The following FGB variants were observed in gnomAD, a reference collection of about 807,000 sequenced individuals.
FGB encodes fibrinogen beta chain, also known as beta-fibrinogen.
A neutral mutation model predicts 57.9 loss-of-function variants in FGB; 25 were observed. The observed-to-expected ratio is 0.43, with a 90% CI of 0.31 to 0.60. The LOEUF is 0.60. Ranked by LOEUF, FGB falls within the 20% of genes least tolerant of loss-of-function variation. The pLI is 0.08. For missense variants in FGB, 536 were observed against 598.4 expected (o/e 0.90, Z 1.09); for synonymous variants, 203 against 199.2 (o/e 1.02, Z -0.16).
chr4:154,565,933 C>T lies in FGB; in HGVS notation c.240C>T (p.Ala80=). The change falls in exon 2 of 8, where the codon GCC becomes GCT. Residue 80 remains alanine, a synonymous_variant. Transcript: ENST00000302068. ...GYRARPAKAA[A]TQKKVERKAP... is the part of the protein sequence containing the mutation. Reference sequence around the variant, plus strand: ...GGGCTCGTCCAGCCAAAGCAGCTGCCACTCAAAAGAAAGTAGAAAGAAAAG... The same window carrying T: ...GGGCTCGTCCAGCCAAAGCAGCTGCTACTCAAAAGAAAGTAGAAAGAAAAG... 1 of 1,614,126 alleles carries T rather than the reference C, an allele frequency of 6.2e-7. No individual in the cohort carries two copies. Among genetic ancestry groups the T allele is most frequent in the Non-Finnish European group, 8.5e-7 (1 of 1,180,024 alleles).
rs898590076 is a variant in FGB at position 154,566,834 on chromosome 4, A to G, written c.490+162A>G. Reference sequence around the variant, plus strand: ...CCCTGCAACTTGCCAGATAAGCACTATTCAGCTCTTATTCCCAGTCTGACA... The same window carrying G: ...CCCTGCAACTTGCCAGATAAGCACTGTTCAGCTCTTATTCCCAGTCTGACA... On this transcript the variant is annotated intron_variant, in intron 3 of 7. Coordinates refer to ENST00000302068, the MANE Select transcript of FGB (RefSeq NM_005141.5). 2.5e-5 allele frequency: 17 copies of G among 668,660 alleles called. No homozygotes were observed. The African/African-American group carries it at 3.0e-4, about 12-fold the overall frequency. 41.4% of individuals were successfully genotyped at this position (668,660 alleles called of 1,614,324 possible). A position where few individuals can be genotyped will look rare whatever the true frequency, so the allele number is the denominator to read the frequency against.
intron 1 of FGB, 101 bp downstream of exon 1, chr4:154,563,233 A>G (rs1187208106): frequency 2.0e-5 from 12 of 599,262 alleles, no homozygotes; most frequent in Middle Eastern, 4.4e-4. Flanking sequence ...AGCATTGCTT[A>G]TAGTTATGAA....
chr4:154,567,809 TG>T lies in FGB; in HGVS notation c.708del (p.Ser237LeufsTer36). On this transcript the variant is annotated frameshift_variant, in exon 4 of 8. Transcript: ENST00000302068. LOFTEE classifies it high-confidence loss of function. The stretch of plus-strand genomic sequence containing the variant: ...ACTGTCAGTTGCAATATTCCTGTGG[TG>T]TCTGGCAAAGGTAACTGATTCATAA... Reference protein sequence around the residue: ...PCTVSCNIPVVSGKECEEIIR... With the variant: ...PCTVSCNIPVXSGKECEEIIR... 1 of 1,612,098 alleles carries T rather than the reference TG, an allele frequency of 6.2e-7. No homozygotes were observed. Among genetic ancestry groups the T allele is most frequent in the Non-Finnish European group, 8.5e-7 (1 of 1,178,304 alleles).
chr4:154,568,582 A>C, intron 5 of FGB, 88 bp downstream of exon 5: 2 of 801,016 alleles, frequency 2.5e-6, no homozygotes, highest in Non-Finnish European at 4.4e-6. Flanking sequence ...GTGGTGGCTC[A>C]TACCTGTAAT....
chr4:154,569,591 G>A lies in FGB; in HGVS notation c.1036G>A (p.Asp346Asn). The stretch of plus-strand genomic sequence containing the variant: ...CACAGAACTTTTGATAGAAATGGAG[G>A]ACTGGAAAGGAGACAAAGTAAAGGC... ...GPTELLIEME[D>N]WKGDKVKAHY... The change falls in exon 7 of 8, where the codon GAC (aspartate) becomes AAC (asparagine). Residue 346 changes from aspartate (D) to asparagine (N), a missense_variant. Asp to Asn is a conservative substitution (Grantham distance 23). This residue lies in a region of FGB where 177 missense variants were observed against 193.7 expected (regional missense o/e 0.91). Coordinates refer to ENST00000302068, the MANE Select transcript of FGB (RefSeq NM_005141.5). 1 of 1,614,094 alleles carries A rather than the reference G, an allele frequency of 6.2e-7. No individual in the cohort carries two copies. The highest frequency in any genetic ancestry group is 8.5e-7 in the Non-Finnish European group (1 of 1,179,980).
At chr4:154,570,254 A>G (rs914276597) in intron 7 of FGB, among the ~76,000 whole-genome samples, 165 bp from the exon 8 acceptor site, 2 of 152,200 alleles carry the variant, frequency 1.3e-5, no homozygotes, top group Non-Finnish European at 2.9e-5. Context: ...CTTTCTTGCT[A>G]TAGGGCACAG....
At chr4:154,563,865 C>T (rs1578780807) in intron 1 of FGB, among the ~76,000 whole-genome samples, 2 of 151,828 alleles carry the variant, frequency 1.3e-5, no homozygotes, top group East Asian at 1.9e-4. Context: ...TATCATCAAA[C>T]GTATCATGGC....
At position 154,571,468 on chromosome 4, in the gene FGB, C is replaced by CAAAA. The variant is rs57313183; in HGVS notation, c.*831_*834dup. 9.1e-6 allele frequency among the ~76,000 whole-genome samples: 1 copy of CAAAA among 109,614 alleles called. No homozygotes were observed. The highest frequency in any genetic ancestry group is 3.9e-5 in the African/African-American group (1 of 25,718). 71.9% of individuals were successfully genotyped at this position (109,614 alleles called of 152,430 possible). On this transcript the variant is annotated 3_prime_UTR_variant, in exon 8 of 8. Transcript: ENST00000302068. ...TGGGCAACAGCGTGAGACTCCACCTCAAAAAAAAAAAAAAAAGAATCTGAC... is the reference window on the plus strand; with the variant it reads ...TGGGCAACAGCGTGAGACTCCACCTCAAAAAAAAAAAAAAAAAAAAGAATCTGAC...
chr4:154,569,074 C>A lies in FGB; in HGVS notation c.833-108C>A, dbSNP rs930486290. 20 of 1,233,092 alleles carry A rather than the reference C, an allele frequency of 1.6e-5. No individual in the cohort carries two copies. In the Admixed American group the frequency reaches 3.1e-4, roughly 19 times the overall value. The allele number at this position is 1,233,092 out of a possible 1,614,324, so 76.4% of individuals were successfully genotyped here. ...TTTCCTTATTGTGTCTATTTTAGAG[C>A]ACCAAATATATACTAAATGGAATGG... On this transcript the variant is annotated intron_variant, in intron 5 of 7. Coordinates refer to ENST00000302068, the MANE Select transcript of FGB (RefSeq NM_005141.5).
intron 1 of FGB, chr4:154,565,271 C>A (rs1730108117): frequency 2.4e-6 from 1 of 415,348 alleles, no homozygotes; most frequent in Non-Finnish European, 4.9e-6. Context: ...TACAAGTAGC[C>A]GAGCTCCAGA....
At chr4:154,570,377 CG>C in intron 7 of FGB, 41 bp from the exon 8 acceptor site, 1 of 1,487,162 alleles carries the variant, frequency 6.7e-7, no homozygotes, top group East Asian at 2.3e-5. Flanking sequence ...ACTTGACCAC[CG>C]TAGTTCTGTT....
chr4:154,569,781 A>T lies in FGB; in HGVS notation c.1226A>T (p.Asp409Val). The change falls in exon 7 of 8, where the codon GAC becomes GTC. Residue 409 changes from aspartate (D) to valine (V), a missense_variant. Around this residue, in one of 3 missense-constraint regions of FGB, gnomAD observed 177 missense variants for 193.7 expected, o/e 0.91. Transcript: ENST00000302068. ...AACGGCATGTTCTTCAGCACGTATGACAGAGACAATGACGGCTGGTATGTG... is the reference window on the plus strand; with the variant it reads ...AACGGCATGTTCTTCAGCACGTATGTCAGAGACAATGACGGCTGGTATGTG... ...IHNGMFFSTY[D>V]RDNDGWLTSD... The T allele has an allele frequency of 1.2e-6, 2 of 1,614,194 alleles. No homozygotes were observed. The highest frequency in any genetic ancestry group is 1.7e-6 in the Non-Finnish European group (2 of 1,180,020).
At chr4:154,566,752 G>A in intron 3 of FGB, 80 bp downstream of exon 3, 2 of 1,354,084 alleles carry the variant, frequency 1.5e-6, no homozygotes, top group Non-Finnish European at 2.1e-6. Flanking sequence ...GCATGGTTGT[G>A]AGAAGATTAA....
chr4:154,571,773 A>C lies in FGB; in HGVS notation c.*1123A>C, dbSNP rs1369179918. ...GCATATCATCTCAACACTTCACTCC[A>C]AGTCGCCACGGGCAACCTTATGACC... On this transcript the variant is annotated 3_prime_UTR_variant, in exon 8 of 8. Coordinates refer to ENST00000302068, the MANE Select transcript of FGB (RefSeq NM_005141.5). Among the ~76,000 whole-genome samples, 1 of 152,092 alleles carries C rather than the reference A, an allele frequency of 6.6e-6. No homozygotes were observed. The highest frequency in any genetic ancestry group is 1.5e-5 in the Non-Finnish European group (1 of 68,014).
chr4:154,571,662 C>T lies in FGB; in HGVS notation c.*1012C>T, dbSNP rs1427308748. 6.6e-6 allele frequency among the ~76,000 whole-genome samples: 1 copy of T among 152,016 alleles called. No individual in the cohort carries two copies. Among genetic ancestry groups the T allele is most frequent in the African/African-American group, 2.4e-5 (1 of 41,378 alleles). ...TAGAAACGAGGTCTATTCTTGTCCT[C>T]AATTAGGCTTTTTTTTCTTCATAGT... On this transcript the variant is annotated 3_prime_UTR_variant, in exon 8 of 8. Coordinates refer to ENST00000302068, the MANE Select transcript of FGB (RefSeq NM_005141.5).
rs144972538 is a variant in FGB at position 154,565,908 on chromosome 4, G to T, written c.215G>T (p.Arg72Leu). 6 of 1,613,918 alleles carry T rather than the reference G, an allele frequency of 3.7e-6. No homozygotes were observed. Among genetic ancestry groups the T allele is most frequent in the African/African-American group, 1.3e-5 (1 of 74,904 alleles). ...APPPISGGGY[R>L]ARPAKAAATQ... ...CCGCCCATCAGTGGAGGTGGCTATCGGGCTCGTCCAGCCAAAGCAGCTGCC... is the reference window on the plus strand; with the variant it reads ...CCGCCCATCAGTGGAGGTGGCTATCTGGCTCGTCCAGCCAAAGCAGCTGCC... Residue 72 changes from arginine to leucine, a missense_variant, in exon 2 of 8, where the codon CGG becomes CTG. Arg to Leu is a moderately radical substitution (Grantham distance 102). Around this residue, in one of 3 missense-constraint regions of FGB, gnomAD observed 354 missense variants for 383.4 expected, o/e 0.92. Coordinates refer to ENST00000302068, the MANE Select transcript of FGB (RefSeq NM_005141.5).
chr4:154,568,307 T>C, intron 4 of FGB, 74 bp from the exon 5 acceptor site: 1 of 820,174 alleles, frequency 1.2e-6, no homozygotes, highest in Admixed American at 1.7e-5. Flanking sequence ...TAATGTTATT[T>C]TAAAGAATTG....
At chr4:154,565,184 A>G (rs968825345) in intron 1 of FGB, 2 of 464,524 alleles carry the variant, frequency 4.3e-6, no homozygotes, top group African/African-American at 4.0e-5. Flanking sequence ...CTTATTTTAC[A>G]GATGAGAAAA....
At chr4:154,563,283 G>T in intron 1 of FGB, 151 bp downstream of exon 1, 2 of 497,960 alleles carry the variant, frequency 4.0e-6, no homozygotes, top group South Asian at 3.0e-5. Flanking sequence ...TTTAAAGAAT[G>T]TTTCATAGTA....
Sources: allele counts gnomAD v4.1 joint callset (sites outside exome capture counted in the v4.1 genomes callset), GRCh38; gene constraint gnomAD v4.1.1; regional missense constraint gnomAD v4.1.1; transcripts MANE v1.5; gene names NCBI Gene and HGNC (gene_info 2026-07-23, HGNC 2026-07-21).